The following DLG2 variants were observed in gnomAD, a reference collection of about 807,000 sequenced individuals.
DLG2 encodes the protein discs large MAGUK scaffold protein 2, also known as disks large homolog 2.
Under a neutral mutation model 132.5 loss-of-function variants are expected in DLG2, and 45 were observed. That is an observed-to-expected ratio of 0.34 (90% CI 0.27 to 0.44). The LOEUF (loss-of-function observed/expected upper bound fraction) is 0.44. Ranked by LOEUF, DLG2 falls within the 20% of genes least tolerant of loss-of-function variation. The pLI, the probability that DLG2 is intolerant of heterozygous loss-of-function variation, is 1.00. For synonymous variants in DLG2, 424 were observed against 419.6 expected (o/e 1.01, Z -0.13); for missense variants, 1,045 against 1,196.9 (o/e 0.87, Z 1.87).
intron 19 of DLG2, among the ~76,000 whole-genome samples, chr11:83,571,330 T>C (rs1467363818): frequency 5.2e-5 from 7 of 134,502 alleles, no homozygotes; most frequent in Non-Finnish European, 1.1e-4. Flanking sequence ...TTAAGAACAC[T>C]GGAAGTTAAA....
intron 3 of DLG2, among the ~76,000 whole-genome samples, chr11:85,525,383 C>T (rs1379823270): frequency 1.3e-5 from 2 of 152,138 alleles, no homozygotes; most frequent in Non-Finnish European, 2.9e-5. Context: ...TTTTCATTAT[C>T]ATTATCTATC....
chr11:84,235,642 T>C (rs2097148839), intron 8 of DLG2, among the ~76,000 whole-genome samples: 1 of 152,222 alleles, frequency 6.6e-6, no homozygotes, highest in Non-Finnish European at 1.5e-5. Context: ...TGTTTCTCTT[T>C]GTAGCACTTC....
chr11:84,675,218 C>T (rs546771752), intron 6 of DLG2, among the ~76,000 whole-genome samples: 38 of 152,194 alleles, frequency 2.5e-4, no homozygotes, highest in African/African-American at 8.7e-4. Flanking sequence ...CTTAACAGAA[C>T]ATCTATGGGT....
At chr11:83,704,307 C>T (rs562932860) in intron 18 of DLG2, among the ~76,000 whole-genome samples, 2 of 152,116 alleles carry the variant, frequency 1.3e-5, no homozygotes, top group Admixed American at 1.3e-4. Context: ...GTTAGTTGTA[C>T]ATATAATATA....
chr11:85,420,937 G>T (rs761853858), intron 3 of DLG2, among the ~76,000 whole-genome samples: 3 of 152,198 alleles, frequency 2.0e-5, no homozygotes, highest in African/African-American at 7.2e-5. Context: ...ATTTCCAGAA[G>T]AGTGAACAGT....
chr11:84,363,477 G>A (rs921478496), intron 7 of DLG2, among the ~76,000 whole-genome samples: 16 of 152,044 alleles, frequency 1.1e-4, no homozygotes, highest in Non-Finnish European at 2.2e-4. Flanking sequence ...TCACTCTGAT[G>A]GTAGTTTCTT....
At chr11:84,352,100 G>A (rs550426628) in intron 7 of DLG2, among the ~76,000 whole-genome samples, 9 of 152,288 alleles carry the variant, frequency 5.9e-5, no homozygotes, top group Admixed American at 5.2e-4. Flanking sequence ...AGGCAATGCA[G>A]TCTAAGGAAA....
intron 6 of DLG2, among the ~76,000 whole-genome samples, chr11:84,583,341 T>C (rs2099521173): frequency 1.3e-5 from 2 of 152,230 alleles, no homozygotes; most frequent in African/African-American, 2.4e-5. Flanking sequence ...TATGTCACTA[T>C]GAACAACTGC....
intron 6 of DLG2, among the ~76,000 whole-genome samples, chr11:84,962,447 C>G (rs1236023652): frequency 6.6e-6 from 1 of 151,860 alleles, no homozygotes; most frequent in Non-Finnish European, 1.5e-5. Flanking sequence ...CCTCAGTTTC[C>G]TAATATTAAA....
At chr11:85,103,496 G>C (rs965814866) in intron 6 of DLG2, among the ~76,000 whole-genome samples, 1 of 151,886 alleles carries the variant, frequency 6.6e-6, no homozygotes, top group Non-Finnish European at 1.5e-5. Flanking sequence ...GGGACAACTC[G>C]ATGGAGGAAA....
At chr11:84,525,496 A>G (rs555467739) in intron 7 of DLG2, among the ~76,000 whole-genome samples, 2 of 152,086 alleles carry the variant, frequency 1.3e-5, no homozygotes, top group Non-Finnish European at 2.9e-5. Flanking sequence ...TTTTTAAATA[A>G]GCCTTCTAAT....
intron 6 of DLG2, chr11:84,923,605 C>CT (rs2092866539): frequency 2.0e-6 from 2 of 991,230 alleles, no homozygotes; most frequent in South Asian, 9.1e-5. Context: ...GGAAACCCTT[C>CT]TTCCTTTGGA....
intron 6 of DLG2, among the ~76,000 whole-genome samples, chr11:84,827,354 G>T (rs1306807108): frequency 6.6e-6 from 1 of 150,444 alleles, no homozygotes; most frequent in Non-Finnish European, 1.5e-5. Context: ...AAACCAGCTA[G>T]AAAAACTAAA....
chr11:84,310,706 C>T (rs2098277979), intron 7 of DLG2, among the ~76,000 whole-genome samples: 2 of 152,298 alleles, frequency 1.3e-5, no homozygotes, highest in Middle Eastern at 3.4e-3. Flanking sequence ...AAGTCTTATT[C>T]TTCCTTGGTA....
chr11:83,530,124 A>G (rs1050822469), intron 21 of DLG2, among the ~76,000 whole-genome samples: 1 of 151,888 alleles, frequency 6.6e-6, no homozygotes, highest in African/African-American at 2.4e-5. Flanking sequence ...CTATCCATCT[A>G]TCTCAAACAA....
chr11:85,148,525 A>G (rs1181061853), intron 5 of DLG2, among the ~76,000 whole-genome samples: 2 of 152,118 alleles, frequency 1.3e-5, no homozygotes, highest in East Asian at 1.9e-4. Flanking sequence ...TTTAATTCAT[A>G]TGTTTGTTGG....
chr11:83,961,094 G>A (rs1262048299), intron 14 of DLG2, among the ~76,000 whole-genome samples: 1 of 152,070 alleles, frequency 6.6e-6, no homozygotes, highest in African/African-American at 2.4e-5. Flanking sequence ...ACTGTAAATA[G>A]ATAACATTCG....
intron 6 of DLG2, among the ~76,000 whole-genome samples, chr11:85,102,266 T>C (rs935058400): frequency 1.3e-5 from 2 of 152,072 alleles, no homozygotes; most frequent in Non-Finnish European, 2.9e-5. Flanking sequence ...AAATAAGTTA[T>C]TTTACTTCTC....
rs116177081 is a variant in DLG2, at chr11:85,091,593, T to C, written c.357+20068A>G. Among the ~76,000 whole-genome samples, 723 of 152,346 alleles carry C rather than the reference T, an allele frequency of 4.7e-3. 6 individuals are homozygous for C. The highest frequency in any genetic ancestry group is 0.017 in the African/African-American group (695 of 41,582). ...GAGTCAATCCTCTTGAATTCTGCCA[T>C]TATTCTATCAACTAAGTTTATGGAA... On this transcript the variant is annotated intron_variant, in intron 6 of 27. Coordinates refer to ENST00000376104, the MANE Select transcript of DLG2 (RefSeq NM_001142699.3).
Sources: gnomAD v4.1 joint callset for allele counts (sites outside exome capture counted in the v4.1 genomes callset) on GRCh38, gnomAD v4.1.1 for gene constraint, MANE v1.5 for transcripts, NCBI Gene and HGNC (gene_info 2026-07-23, HGNC 2026-07-21) for gene names.